The following LRP1B variants were observed in gnomAD, a reference collection of about 807,000 sequenced individuals.
LRP1B encodes low-density lipoprotein receptor-related protein 1B.
LRP1B carries 217 observed loss-of-function variants against 556.6 expected under a neutral mutation model. The ratio of observed to expected loss-of-function variants is 0.39; its 90% CI spans 0.35 to 0.44. The LOEUF (loss-of-function observed/expected upper bound fraction) is 0.44. Ranked by LOEUF, LRP1B falls within the 20% of genes least tolerant of loss-of-function variation. LRP1B has a pLI of 1.00. For missense variants in LRP1B, 5,053 were observed against 5,620.8 expected, an observed-to-expected ratio of 0.90 and a Z score of 3.23; for synonymous variants, 2,047 against 1,865.8, an observed-to-expected ratio of 1.10 and a Z score of -2.50.
intron 43 of LRP1B, among the ~76,000 whole-genome samples, chr2:140,587,345 C>T (rs149151551): frequency 5.6e-4 from 85 of 152,290 alleles, no homozygotes; most frequent in African/African-American, 1.9e-3. Flanking sequence ...CATATACCTA[C>T]AGATTCGAGA....
intron 72 of LRP1B, 86 bp from the exon 73 acceptor site, chr2:140,359,032 C>T (rs1046778991): frequency 1.5e-6 from 2 of 1,339,570 alleles, no homozygotes; most frequent in Admixed American, 4.5e-5. Flanking sequence ...TTATTCTTTT[C>T]AAATCCATAA....
At chr2:141,004,975 AT>A (rs1392811102) in intron 15 of LRP1B, among the ~76,000 whole-genome samples, 1 of 152,034 alleles carries the variant, frequency 6.6e-6, no homozygotes, top group African/African-American at 2.4e-5. Flanking sequence ...TCAGGAAGCC[AT>A]TTAAAGTCAT....
At chr2:141,291,107 A>C (rs1685929071) in intron 3 of LRP1B, among the ~76,000 whole-genome samples, 1 of 152,182 alleles carries the variant, frequency 6.6e-6, no homozygotes, top group South Asian at 2.1e-4. Flanking sequence ...CATTATTGAT[A>C]GGTTTATAAA....
At chr2:141,030,532 G>T (rs757873072) in intron 11 of LRP1B, among the ~76,000 whole-genome samples, 1 of 152,048 alleles carries the variant, frequency 6.6e-6, no homozygotes, top group Non-Finnish European at 1.5e-5. Context: ...TAACAATAAA[G>T]ATTTATGAAA....
intron 1 of LRP1B, among the ~76,000 whole-genome samples, chr2:141,838,677 A>G (rs575788958): frequency 6.6e-6 from 1 of 152,186 alleles, no homozygotes; most frequent in South Asian, 2.1e-4. Context: ...ACAAATTGCA[A>G]CCTTTCAGGA....
chr2:141,300,854 T>C (rs998108640), intron 3 of LRP1B, among the ~76,000 whole-genome samples: 1 of 152,196 alleles, frequency 6.6e-6, no homozygotes, highest in Non-Finnish European at 1.5e-5. Context: ...GCTTCAGATG[T>C]TTCTTTATAG....
chr2:142,099,072 T>G (rs1254747762), intron 1 of LRP1B, among the ~76,000 whole-genome samples: 3 of 151,810 alleles, frequency 2.0e-5, no homozygotes, highest in Non-Finnish European at 4.4e-5. Flanking sequence ...AAAACATTAT[T>G]CATATAGAAT....
At chr2:140,338,365 C>T (rs996570049) in intron 77 of LRP1B, among the ~76,000 whole-genome samples, 7 of 151,782 alleles carry the variant, frequency 4.6e-5, no homozygotes, top group African/African-American at 1.7e-4. Flanking sequence ...TTATTTTCAA[C>T]ACTGAAGAGA....
chr2:140,627,018 G>A (rs1683688844), intron 41 of LRP1B, among the ~76,000 whole-genome samples: 1 of 152,158 alleles, frequency 6.6e-6, no homozygotes, highest in South Asian at 2.1e-4. Flanking sequence ...GACAAGAAGT[G>A]TAAGAAGTAC....
At chr2:140,404,751 A>G (rs534707308) in intron 66 of LRP1B, among the ~76,000 whole-genome samples, 1 of 152,302 alleles carries the variant, frequency 6.6e-6, no homozygotes, top group South Asian at 2.1e-4. Flanking sequence ...ATTCCACACA[A>G]ATGGAAACCA....
rs1286745751 is a variant in LRP1B, at chr2:140,501,823, G to C, written c.8714C>G (p.Pro2905Arg). The C allele has an allele frequency of 1.2e-6, 2 of 1,610,666 alleles. No individual in the cohort carries two copies. Among genetic ancestry groups the C allele is most frequent in the South Asian group, 2.2e-5 (2 of 90,626 alleles). The change falls in exon 55 of 91, where the codon CCC becomes CGC. Residue 2905 changes from proline (P) to arginine (R), a missense_variant. This residue lies in a region of LRP1B where 3,619 missense variants were observed against 3,931.9 expected (regional missense o/e 0.92). Coordinates refer to ENST00000389484, the MANE Select transcript of LRP1B (RefSeq NM_018557.3). The stretch of plus-strand genomic sequence containing the variant: ...CTTATTGTCGCAAAGACCTCCACTG[G>C]GAATGCACCTGCCATTTTTGCACAT... Reference protein sequence around the residue: ...FFMCKNGRCIPSGGLCDNKDD... With the variant: ...FFMCKNGRCIRSGGLCDNKDD...
chr2:141,384,339 A>C (rs998838456), intron 3 of LRP1B, among the ~76,000 whole-genome samples: 1 of 152,190 alleles, frequency 6.6e-6, no homozygotes, highest in African/African-American at 2.4e-5. Flanking sequence ...CTACATAGCT[A>C]AATTTAAAAT....
chr2:140,262,299 C>T (rs982263144), intron 86 of LRP1B, among the ~76,000 whole-genome samples: 1 of 152,064 alleles, frequency 6.6e-6, no homozygotes, highest in African/African-American at 2.4e-5. Context: ...GTCAAAGTCA[C>T]ACAGAAATAA....
intron 66 of LRP1B, among the ~76,000 whole-genome samples, chr2:140,415,074 C>G (rs763041058): frequency 1.3e-5 from 2 of 152,132 alleles, no homozygotes; most frequent in Non-Finnish European, 2.9e-5. Flanking sequence ...CTGAGATACA[C>G]CTTGGTCTCC....
intron 3 of LRP1B, among the ~76,000 whole-genome samples, chr2:141,294,698 C>A (rs1006368642): frequency 6.6e-6 from 1 of 150,416 alleles, no homozygotes; most frequent in Non-Finnish European, 1.5e-5. Flanking sequence ...CATGGCCACA[C>A]CACTGCATGC....
intron 1 of LRP1B, among the ~76,000 whole-genome samples, chr2:142,122,494 A>C (rs1707492075): frequency 6.6e-6 from 1 of 152,118 alleles, no homozygotes; most frequent in Non-Finnish European, 1.5e-5. Flanking sequence ...TCTTGCAAAT[A>C]AGATTAGTGT....
chr2:140,929,793 C>G (rs1694996842), intron 20 of LRP1B, among the ~76,000 whole-genome samples: 2 of 150,282 alleles, frequency 1.3e-5, no homozygotes, highest in Admixed American at 6.6e-5. Context: ...CACACACACA[C>G]ACAGTTTTAC....
chr2:140,837,849 T>A (rs943121658), intron 31 of LRP1B, among the ~76,000 whole-genome samples: 8 of 152,116 alleles, frequency 5.3e-5, no homozygotes, highest in African/African-American at 1.9e-4. Flanking sequence ...TGCTAAATGA[T>A]GAGTTACTGG....
intron 63 of LRP1B, among the ~76,000 whole-genome samples, chr2:140,449,824 C>T (rs1024986936): frequency 1.3e-5 from 2 of 152,136 alleles, no homozygotes; most frequent in African/African-American, 4.8e-5. Context: ...CAAATTATGG[C>T]AACCATGTAC....
Sources: gnomAD v4.1 joint callset for allele counts (sites outside exome capture counted in the v4.1 genomes callset) on GRCh38, gnomAD v4.1.1 for gene constraint, gnomAD v4.1.1 regional missense constraint, MANE v1.5 for transcripts, NCBI Gene and HGNC (gene_info 2026-07-23, HGNC 2026-07-21) for gene names.